PINX1: variants seen among roughly 807,000 people sequenced by gnomAD.
PINX1 encodes the protein PIN2/TERF1-interacting telomerase inhibitor 1.
PINX1 carries 34 observed loss-of-function variants against 25.4 expected under a neutral mutation model. The ratio of observed to expected loss-of-function variants is 1.34; its 90% confidence interval spans 1.02 to 1.78. PINX1 has a LOEUF of 1.78. Among genes scored for constraint, PINX1 ranks in the 40% most tolerant of loss-of-function variants. The pLI is 0.00. For missense variants in PINX1, 592 were observed against 404.9 expected (o/e 1.46, Z -3.97); for synonymous variants, 197 against 147.7 (o/e 1.33, Z -2.42).
intron 6 of PINX1, among the ~76,000 whole-genome samples, chr8:10,778,716 C>T (rs1365128155): frequency 2.6e-5 from 4 of 152,078 alleles, no homozygotes; most frequent in South Asian, 2.1e-4. Context: ...TGGTAAACAC[C>T]CACTGGCATC....
At chr8:10,828,881 C>T (rs1243089862) in intron 4 of PINX1, among the ~76,000 whole-genome samples, 1 of 152,138 alleles carries the variant, frequency 6.6e-6, no homozygotes, top group Admixed American at 6.5e-5. Context: ...CTGGCCCGGC[C>T]CTCACACCCC....
chr8:10,788,148 T>C (rs890005244), intron 6 of PINX1, among the ~76,000 whole-genome samples: 2 of 152,132 alleles, frequency 1.3e-5, no homozygotes, highest in African/African-American at 4.8e-5. Flanking sequence ...GGAGTACAGC[T>C]GGAATGAGGC....
At chr8:10,787,529 A>AT (rs1801790469) in intron 6 of PINX1, 1 of 199,826 alleles carries the variant, frequency 5.0e-6, no homozygotes. Context: ...CTTGGCTGAC[A>AT]TATCTTCTAT....
intron 6 of PINX1, 78 bp downstream of exon 6, chr8:10,820,115 A>G: frequency 2.2e-6 from 2 of 902,878 alleles, no homozygotes; most frequent in Admixed American, 3.8e-5. Flanking sequence ...TACTAGTCAT[A>G]GATAGAAACA....
chr8:10,796,699 T>C (rs971701083), intron 6 of PINX1, among the ~76,000 whole-genome samples: 6 of 151,846 alleles, frequency 4.0e-5, no homozygotes, highest in Admixed American at 6.6e-5. Context: ...CTTAGTAACC[T>C]TGTGTAGCTT....
intron 6 of PINX1, among the ~76,000 whole-genome samples, chr8:10,793,613 A>T (rs1051428666): frequency 6.6e-6 from 1 of 152,244 alleles, no homozygotes; most frequent in African/African-American, 2.4e-5. Flanking sequence ...CTTCTAAGGA[A>T]TTAATGCTAA....
intron 6 of PINX1, among the ~76,000 whole-genome samples, chr8:10,812,709 C>G (rs1384347676): frequency 6.6e-6 from 1 of 152,214 alleles, no homozygotes; most frequent in Non-Finnish European, 1.5e-5. Flanking sequence ...AACATGACAC[C>G]CATGACACCC....
At chr8:10,807,501 T>C (rs151218414) in intron 6 of PINX1, among the ~76,000 whole-genome samples, 4 of 152,138 alleles carry the variant, frequency 2.6e-5, no homozygotes, top group African/African-American at 9.6e-5. Context: ...TGAATCTTCA[T>C]ACTGAAAGTT....
At chr8:10,775,068 A>C (rs1208880367) in intron 6 of PINX1, among the ~76,000 whole-genome samples, 1 of 152,204 alleles carries the variant, frequency 6.6e-6, no homozygotes, top group African/African-American at 2.4e-5. Context: ...AAAAACCCTA[A>C]CCAGTTACAC....
At chr8:10,827,340 C>A (rs1296630289) in intron 4 of PINX1, among the ~76,000 whole-genome samples, 1 of 152,132 alleles carries the variant, frequency 6.6e-6, no homozygotes, top group African/African-American at 2.4e-5. Context: ...GCAAAAGGAG[C>A]AGGAACACAC....
At chr8:10,788,092 A>G (rs988954284) in intron 6 of PINX1, among the ~76,000 whole-genome samples, 9 of 152,120 alleles carry the variant, frequency 5.9e-5, no homozygotes, top group Non-Finnish European at 1.0e-4. Context: ...TACAGATAGG[A>G]TGATGTGATG....
chr8:10,794,328 C>T (rs1020462113), intron 6 of PINX1, among the ~76,000 whole-genome samples: 13 of 152,162 alleles, frequency 8.5e-5, no homozygotes, highest in Admixed American at 2.6e-4. Context: ...TTAACCTACA[C>T]AGAAAAGTAA....
chr8:10,776,966 A>C (rs377214440), intron 6 of PINX1, among the ~76,000 whole-genome samples: 1 of 152,240 alleles, frequency 6.6e-6, no homozygotes, highest in African/African-American at 2.4e-5. Flanking sequence ...AGAAGGAAAA[A>C]TAAGCCAGTG....
At chr8:10,829,850 A>G (rs1190181486) in intron 4 of PINX1, among the ~76,000 whole-genome samples, 2 of 152,012 alleles carry the variant, frequency 1.3e-5, no homozygotes, top group Non-Finnish European at 2.9e-5. Flanking sequence ...ACGCCCAGCT[A>G]ATTTTGTATT....
At chr8:10,802,754 G>T (rs903114368) in intron 6 of PINX1, among the ~76,000 whole-genome samples, 1 of 152,168 alleles carries the variant, frequency 6.6e-6, no homozygotes, top group South Asian at 2.1e-4. Flanking sequence ...CCTCCAGGGT[G>T]GGGGATGGGG....
chr8:10,820,725 C>T (rs563647644), intron 5 of PINX1, among the ~76,000 whole-genome samples: 1 of 152,188 alleles, frequency 6.6e-6, no homozygotes, highest in South Asian at 2.1e-4. Context: ...CACATATGCA[C>T]ATGAATGAGA....
chr8:10,778,655 C>G (rs2033369), intron 6 of PINX1, among the ~76,000 whole-genome samples: 13 of 151,940 alleles, frequency 8.6e-5, no homozygotes, highest in Non-Finnish European at 1.9e-4. Context: ...GACACGTGGC[C>G]GCTGTTAAAC....
intron 6 of PINX1, among the ~76,000 whole-genome samples, chr8:10,798,978 T>G (rs142806006): frequency 1.5e-3 from 231 of 152,328 alleles, no homozygotes; most frequent in Admixed American, 4.4e-3. Context: ...AGCAATGATT[T>G]GATATTAGAA....
intron 6 of PINX1, among the ~76,000 whole-genome samples, chr8:10,806,608 G>A (rs562208255): frequency 6.2e-4 from 95 of 152,150 alleles, no homozygotes; most frequent in Non-Finnish European, 8.1e-4. Flanking sequence ...CTTCAATAAC[G>A]ATTTGCTGAA....
Sources: allele counts gnomAD v4.1 joint callset (sites outside exome capture counted in the v4.1 genomes callset), GRCh38; gene constraint gnomAD v4.1.1; transcripts MANE v1.5; gene names NCBI Gene and HGNC (gene_info 2026-07-23, HGNC 2026-07-21).